Variants in PATJ observed in about 807,000 individuals in gnomAD.
The protein encoded by PATJ is PATJ crumbs cell polarity complex component.
Under a neutral mutation model 224.9 loss-of-function variants are expected in PATJ, and 190 were observed. That is an observed-to-expected ratio of 0.84 (90% confidence interval 0.75 to 0.95). The LOEUF (loss-of-function observed/expected upper bound fraction) is 0.95. Among genes scored for constraint, PATJ ranks in the 40% least tolerant of loss-of-function variants. PATJ has a pLI of 0.00. For synonymous variants in PATJ, 769 were observed against 820.3 expected (o/e 0.94, Z 1.07); for missense variants, 2,121 against 2,270.3 (o/e 0.93, Z 1.34).
intron 31 of PATJ, 84 bp downstream of exon 31, chr1:62,051,142 T>C (rs1429943520): frequency 1.0e-6 from 1 of 995,642 alleles, no homozygotes; most frequent in African/African-American, 1.6e-5. Context: ...AAGAACCACC[T>C]ATCATGTTTG....
chr1:61,767,145 G>T (rs747096245), intron 4 of PATJ, among the ~76,000 whole-genome samples: 2 of 152,028 alleles, frequency 1.3e-5, no homozygotes, highest in African/African-American at 2.4e-5. Context: ...AGGATAATCT[G>T]GTTGTAGCCC....
Position 61,827,520 on chromosome 1 carries a change from G to A in PATJ, c.1917G>A (p.Leu639=). The A allele has an allele frequency of 2.5e-6, 4 of 1,614,112 alleles. No homozygotes were observed. Among genetic ancestry groups the A allele is most frequent in the Non-Finnish European group, 3.4e-6 (4 of 1,180,020 alleles). The change falls in exon 16 of 44, where the codon TTG becomes TTA. Residue 639 remains leucine, a synonymous_variant. Coordinates refer to ENST00000642238, the MANE Select transcript of PATJ (RefSeq NM_001350145.3). ...TTACTTTGGTTTGCTGTCGGAGGTTGTTTGATGATGAAGCTTCTGTAGATG... is the reference window on the plus strand; with the variant it reads ...TTACTTTGGTTTGCTGTCGGAGGTTATTTGATGATGAAGCTTCTGTAGATG... ...PPFTLVCCRR[L]FDDEASVDEP...
At chr1:61,872,248 C>T (rs1666744868) in intron 20 of PATJ, among the ~76,000 whole-genome samples, 2 of 152,130 alleles carry the variant, frequency 1.3e-5, no homozygotes, top group Non-Finnish European at 2.9e-5. Flanking sequence ...GTAGTCAGAT[C>T]CCCTTTCTTA....
chr1:61,845,927 C>T (rs1344052046), intron 17 of PATJ: 2 of 152,082 alleles, frequency 1.3e-5, no homozygotes, highest in Non-Finnish European at 2.9e-5. Context: ...TAGATTCAAC[C>T]CTGTGTTTTC....
intron 33 of PATJ, among the ~76,000 whole-genome samples, chr1:62,096,579 G>A (rs1426444739): frequency 6.6e-6 from 1 of 152,012 alleles, no homozygotes; most frequent in Non-Finnish European, 1.5e-5. Context: ...CATAATAACA[G>A]GAAAACTAGA....
intron 27 of PATJ, among the ~76,000 whole-genome samples, chr1:61,974,074 C>T (rs776821952): frequency 6.6e-6 from 1 of 151,760 alleles, no homozygotes; most frequent in Non-Finnish European, 1.5e-5. Context: ...ATCCCAGACA[C>T]CAGCACTTCA....
intron 17 of PATJ, among the ~76,000 whole-genome samples, chr1:61,836,521 T>G (rs998204902): frequency 6.6e-6 from 1 of 152,250 alleles, no homozygotes; most frequent in Non-Finnish European, 1.5e-5. Flanking sequence ...CATTCAATCC[T>G]AACTTGGATG....
intron 20 of PATJ, among the ~76,000 whole-genome samples, chr1:61,866,827 G>C (rs1008343899): frequency 6.6e-6 from 1 of 152,168 alleles, no homozygotes; most frequent in East Asian, 1.9e-4. Flanking sequence ...TCCATAGATA[G>C]AGCAGTCCTG....
At chr1:61,812,769 A>T (rs1189548190) in intron 14 of PATJ, among the ~76,000 whole-genome samples, 1 of 151,954 alleles carries the variant, frequency 6.6e-6, no homozygotes, top group Non-Finnish European at 1.5e-5. Context: ...GAATTGCTTG[A>T]ACCTGGGAGG....
chr1:62,152,994 C>T (rs1181824949), intron 42 of PATJ, among the ~76,000 whole-genome samples: 1 of 151,644 alleles, frequency 6.6e-6, no homozygotes, highest in African/African-American at 2.4e-5. Context: ...CAAAAATTAG[C>T]CAGGTATGGC....
At chr1:61,910,821 A>G (rs1672529132) in intron 25 of PATJ, among the ~76,000 whole-genome samples, 2 of 151,858 alleles carry the variant, frequency 1.3e-5, no homozygotes, top group African/African-American at 4.8e-5. Flanking sequence ...TGTTGGGATT[A>G]CAAGCATGAG....
chr1:62,134,426 A>C (rs139945644), intron 41 of PATJ, among the ~76,000 whole-genome samples: 1,796 of 149,250 alleles, frequency 0.012, 36 homozygotes, highest in African/African-American at 0.042. Flanking sequence ...GCTCGCTGCA[A>C]CTTCCATCTC....
chr1:61,769,361 C>A lies in PATJ; in HGVS notation c.463C>A (p.Gln155Lys). ...LGFSVVALRS[Q>K]NLGKVDIFVK... ...ATTCAGTGTGGTGGCCCTCAGAAGT[C>A]AAAATCTCGGAAAAGTTGATATCTT... The change falls in exon 5 of 44, where the codon CAA becomes AAA. Residue 155 changes from glutamine (Q) to lysine (K), a missense_variant. By Grantham distance (53) the Gln-to-Lys change is moderately conservative. Coordinates refer to ENST00000642238, the MANE Select transcript of PATJ (RefSeq NM_001350145.3). 6 of 1,613,982 alleles carry A rather than the reference C, an allele frequency of 3.7e-6. No individual in the cohort carries two copies. Among genetic ancestry groups the A allele is most frequent in the Non-Finnish European group, 4.2e-6 (5 of 1,179,978 alleles).
At chr1:62,130,717 G>A (rs918185203) in intron 41 of PATJ, among the ~76,000 whole-genome samples, 1 of 152,024 alleles carries the variant, frequency 6.6e-6, no homozygotes, top group African/African-American at 2.4e-5. Context: ...CGGGCATGGT[G>A]GCGGGCGCCT....
At chr1:62,022,165 C>A (rs192888502) in intron 29 of PATJ, among the ~76,000 whole-genome samples, 1 of 152,248 alleles carries the variant, frequency 6.6e-6, no homozygotes. Context: ...TTAACTAAGG[C>A]CTTTAGTCTA....
Position 61,787,577 on chromosome 1 carries a change from A to G in PATJ, c.850-177A>G, listed in dbSNP as rs550462342. Reference sequence around the variant, plus strand: ...TTTGAGCCATTCCTTTGTGTTCTACATGAAATTCCTTTACTCTTGCCATTT... The same window carrying G: ...TTTGAGCCATTCCTTTGTGTTCTACGTGAAATTCCTTTACTCTTGCCATTT... On this transcript the variant is annotated intron_variant, in intron 7 of 43. Coordinates refer to ENST00000642238, the MANE Select transcript of PATJ (RefSeq NM_001350145.3). Among the ~76,000 whole-genome samples, 4 of 152,330 alleles carry G rather than the reference A, an allele frequency of 2.6e-5. No individual in the cohort carries two copies. In the East Asian group the frequency reaches 5.8e-4, roughly 22 times the overall value.
At chr1:61,875,425 T>C in intron 21 of PATJ, 59 bp downstream of exon 21, 1 of 1,332,238 alleles carries the variant, frequency 7.5e-7, no homozygotes. Context: ...CTTTCAGTTT[T>C]ATGTTTGTAT....
chr1:62,064,762 T>G (rs1162686234), intron 31 of PATJ, among the ~76,000 whole-genome samples: 2 of 152,272 alleles, frequency 1.3e-5, no homozygotes, highest in African/African-American at 4.8e-5. Context: ...TCATTTTTAA[T>G]ATGAGATCTT....
At chr1:61,972,410 C>T (rs1280980079) in intron 27 of PATJ, among the ~76,000 whole-genome samples, 1 of 151,958 alleles carries the variant, frequency 6.6e-6, no homozygotes, top group East Asian at 1.9e-4. Flanking sequence ...GATGTTCTTT[C>T]TCATAATACT....
Sources: gnomAD v4.1 joint callset for allele counts (sites outside exome capture counted in the v4.1 genomes callset) on GRCh38, gnomAD v4.1.1 for gene constraint, MANE v1.5 for transcripts, NCBI Gene and HGNC (gene_info 2026-07-23, HGNC 2026-07-21) for gene names.